The following LHX6 variants were observed in gnomAD, a reference collection of about 807,000 sequenced individuals.
LHX6 encodes the protein LIM/homeobox protein Lhx6.
LHX6 carries 15 observed loss-of-function variants against 47.1 expected under a neutral mutation model. That is an observed-to-expected ratio of 0.32 (90% CI 0.21 to 0.49). The LOEUF is 0.49. Ranked by LOEUF, LHX6 falls within the 20% of genes least tolerant of loss-of-function variation. The pLI is 0.99. For missense variants in LHX6, 404 were observed against 539.6 expected (o/e 0.75, Z 2.49); for synonymous variants, 242 against 233.5 (o/e 1.04, Z -0.33).
intron 8 of LHX6, among the ~76,000 whole-genome samples, chr9:122,210,232 T>TTATAGTC (rs57960387): frequency 0.6 from 91,369 of 151,442 alleles, 27,881 homozygotes; most frequent in East Asian, 0.67. Flanking sequence ...GTGATGCTCT[T>TTATAGTC]TATAAAGAGC....
chr9:122,210,538 T>G (rs1035488579), intron 8 of LHX6, among the ~76,000 whole-genome samples: 6 of 152,286 alleles, frequency 3.9e-5, no homozygotes, highest in African/African-American at 1.2e-4. Context: ...CCCGGCTTTA[T>G]TTCCTTAGCA....
At chr9:122,224,467 C>T (rs2118906545) in intron 4 of LHX6, among the ~76,000 whole-genome samples, 1 of 152,084 alleles carries the variant, frequency 6.6e-6, no homozygotes, top group South Asian at 2.1e-4. Flanking sequence ...TGGTTACACA[C>T]CATTAACCCC....
rs979728906 is a variant in LHX6, at chr9:122,211,210, A to T, written c.1055-1493T>A. Among the ~76,000 whole-genome samples, 6 of 152,170 alleles carry T rather than the reference A, an allele frequency of 3.9e-5. No individual in the cohort carries two copies. The East Asian group carries it at 5.8e-4, about 15-fold the overall frequency. On this transcript the variant is annotated intron_variant, in intron 8 of 9. Coordinates refer to ENST00000394319, the MANE Select transcript of LHX6 (RefSeq NM_014368.5). ...GTCACAGGGAAAGGGCATTGTAGAG[A>T]CACTTACAACTGATATATAAACCGG...
Position 122,217,022 on chromosome 9 carries a change from G to T in LHX6, c.682+46C>A. 1 of 1,539,342 alleles carries T rather than the reference G, an allele frequency of 6.5e-7. No individual in the cohort carries two copies. The highest frequency in any genetic ancestry group is 1.1e-5 in the South Asian group (1 of 88,212). The stretch of plus-strand genomic sequence containing the variant: ...CTGGGGTGCTGGGGTGGGGTGGGGT[G>T]GGAAAGGGCTGGGGGCAGAGGTGCC... On this transcript the variant is annotated intron_variant, in intron 5 of 9. Coordinates refer to ENST00000394319, the MANE Select transcript of LHX6 (RefSeq NM_014368.5). The surrounding 1 kb of genome is among the most constrained non-coding windows in gnomAD (Gnocchi z 4.9).
chr9:122,214,522 T>A lies in LHX6; in HGVS notation c.683-139A>T. ...GGGAGCAGGGATCCCAGGGTCCTAG[T>A]CCCTGAGCTCAGTCTTTGGGGAAGG... On this transcript the variant is annotated intron_variant, in intron 5 of 9. Coordinates refer to ENST00000394319, the MANE Select transcript of LHX6 (RefSeq NM_014368.5). The surrounding 1 kb of genome is among the most constrained non-coding windows in gnomAD (Gnocchi z 4.6). 8.1e-7 allele frequency: 1 copy of A among 1,228,910 alleles called. No homozygotes were observed. Among genetic ancestry groups the A allele is most frequent in the Non-Finnish European group, 1.1e-6 (1 of 934,300 alleles). The allele number at this position is 1,228,910 out of a possible 1,614,324, so 76.1% of individuals were successfully genotyped here.
In LHX6 at chr9:122,226,087, C is replaced by T. The variant is rs1005428486; in HGVS notation, c.461+289G>A. Among the ~76,000 whole-genome samples the T allele has an allele frequency of 6.6e-6, 1 of 152,180 alleles. No homozygotes were observed. Among genetic ancestry groups the T allele is most frequent in the Non-Finnish European group, 1.5e-5 (1 of 68,032 alleles). On this transcript the variant is annotated intron_variant, in intron 4 of 9. Coordinates refer to ENST00000394319, the MANE Select transcript of LHX6 (RefSeq NM_014368.5). This position sits in a 1 kb window ranked among gnomAD's most constrained non-coding sequence, Gnocchi z 6.5. Reference sequence around the variant, plus strand: ...GAGGCGCTCGAGGTCAGAACTGAAGCCTGAGACTTAGGCAGGACCCGAGAC... The same window carrying T: ...GAGGCGCTCGAGGTCAGAACTGAAGTCTGAGACTTAGGCAGGACCCGAGAC...
chr9:122,224,847 T>C (rs1374099028), intron 4 of LHX6, among the ~76,000 whole-genome samples: 1 of 152,138 alleles, frequency 6.6e-6, no homozygotes, highest in Non-Finnish European at 1.5e-5. Flanking sequence ...TGCCCAGTGA[T>C]GCTTTCCCCA....
chr9:122,221,348 C>T (rs1444109363), intron 4 of LHX6: 17 of 985,528 alleles, frequency 1.7e-5, no homozygotes, highest in Non-Finnish European at 2.0e-5. Context: ...CAACAGCTGG[C>T]CGCCGCTGGG....
intron 4 of LHX6, among the ~76,000 whole-genome samples, chr9:122,224,015 G>GT (rs1233846153): frequency 6.6e-6 from 1 of 151,962 alleles, no homozygotes; most frequent in Non-Finnish European, 1.5e-5. Context: ...CATCTGGCAT[G>GT]TTTTTTTGTA....
chr9:122,212,027 C>G (rs533621121), intron 8 of LHX6, among the ~76,000 whole-genome samples: 1 of 152,002 alleles, frequency 6.6e-6, no homozygotes, highest in South Asian at 2.1e-4. Context: ...CAGCCTGGTG[C>G]GAAGACAGGG....
chr9:122,227,373 G>A (rs1831151091), intron 2 of LHX6, 36 bp downstream of exon 2: 2 of 1,485,202 alleles, frequency 1.3e-6, no homozygotes, highest in East Asian at 2.8e-5. Context: ...GGCCGCTGGA[G>A]GACTGGGCAC....
Position 122,217,325 on chromosome 9 carries a change from TCAGA to T in LHX6, c.462-41_462-38del, listed in dbSNP as rs779083137. 2.6e-6 allele frequency: 4 copies of T among 1,550,628 alleles called. No individual in the cohort carries two copies. The highest frequency in any genetic ancestry group is 2.3e-5 in the East Asian group (1 of 43,582). ...GAGGACAGGCACGGGGTGTCGAGAC[TCAGA>T]CAGGCCAACCTTCCTCCTTCCACCA... On this transcript the variant is annotated intron_variant, in intron 4 of 9. Coordinates refer to ENST00000394319, the MANE Select transcript of LHX6 (RefSeq NM_014368.5). The surrounding 1 kb of genome is among the most constrained non-coding windows in gnomAD (Gnocchi z 4.9).
chr9:122,213,535 A>G lies in LHX6; in HGVS notation c.1054+71T>C. ...GCCCTCCACCCCACGCCTCGGCCTC[A>G]GCCGCCCACGTGCGCTCCTCCGCGC... On this transcript the variant is annotated intron_variant, in intron 8 of 9. Transcript: ENST00000394319. The surrounding 1 kb of genome is among the most constrained non-coding windows in gnomAD (Gnocchi z 5.5). 1 of 1,404,034 alleles carries G rather than the reference A, an allele frequency of 7.1e-7. No individual in the cohort carries two copies. Among genetic ancestry groups the G allele is most frequent in the Non-Finnish European group, 9.4e-7 (1 of 1,058,952 alleles). The allele number at this position is 1,404,034 out of a possible 1,614,324, so 87.0% of individuals were successfully genotyped here. A position where few individuals can be genotyped will look rare whatever the true frequency, so the allele number is the denominator to read the frequency against.
intron 9 of LHX6, among the ~76,000 whole-genome samples, chr9:122,205,796 C>T (rs937981803): frequency 7.9e-5 from 12 of 152,270 alleles, no homozygotes; most frequent in East Asian, 1.9e-4. Context: ...AGCAACCCTA[C>T]GGAGTGGGAA....
chr9:122,210,602 C>A (rs1830362808), intron 8 of LHX6, among the ~76,000 whole-genome samples: 1 of 152,204 alleles, frequency 6.6e-6, no homozygotes, highest in Non-Finnish European at 1.5e-5. Flanking sequence ...CACTCTGTCA[C>A]CCAGGCTAGA....
At chr9:122,228,433 C>A in intron 1 of LHX6, 3 of 1,460,036 alleles carry the variant, frequency 2.1e-6, no homozygotes, top group South Asian at 2.7e-5. Context: ...TTTACTAAAT[C>A]GCTTTTTGAG....
intron 4 of LHX6, among the ~76,000 whole-genome samples, chr9:122,225,909 G>A (rs1157301427): frequency 6.6e-6 from 1 of 152,210 alleles, no homozygotes; most frequent in African/African-American, 2.4e-5. Context: ...AGAGTCCGAA[G>A]CCCAGCTCAG....
Position 122,213,391 on chromosome 9 carries a change from T to C in LHX6, c.1054+215A>G, listed in dbSNP as rs1037938121. On this transcript the variant is annotated intron_variant, in intron 8 of 9. Transcript: ENST00000394319. The surrounding 1 kb of genome is among the most constrained non-coding windows in gnomAD (Gnocchi z 5.5). ...ATTTTTTGAATGGCTGCTGAATCGC[T>C]TGCCTCTATGAAGGATCCCGCTCCA... Among the ~76,000 whole-genome samples, 3 of 152,160 alleles carry C rather than the reference T, an allele frequency of 2.0e-5. No individual in the cohort carries two copies. Among genetic ancestry groups the C allele is most frequent in the African/African-American group, 7.2e-5 (3 of 41,444 alleles).
intron 4 of LHX6, among the ~76,000 whole-genome samples, chr9:122,220,037 G>A (rs1305517978): frequency 6.6e-6 from 1 of 152,220 alleles, no homozygotes; most frequent in Non-Finnish European, 1.5e-5. Flanking sequence ...GAGCGGCTGA[G>A]CCTTCTGTGC....
Sources: gnomAD v4.1 joint callset for allele counts (sites outside exome capture counted in the v4.1 genomes callset) on GRCh38, gnomAD v4.1.1 for gene constraint, Gnocchi (gnomAD v3.1) non-coding constraint, MANE v1.5 for transcripts, NCBI Gene and HGNC (gene_info 2026-07-23, HGNC 2026-07-21) for gene names.